The following RAPGEF2 variants were observed in gnomAD, a reference collection of about 807,000 sequenced individuals.
RAPGEF2 encodes the protein PDZ domain containing guanine nucleotide exchange factor (GEF) 1.
RAPGEF2 carries 54 observed loss-of-function variants against 186.7 expected under a neutral mutation model. The observed-to-expected ratio is 0.29, with a 90% CI of 0.23 to 0.36. The LOEUF (loss-of-function observed/expected upper bound fraction) is 0.36. Among genes scored for constraint, RAPGEF2 ranks in the 10% least tolerant of loss-of-function variants. RAPGEF2 has a pLI of 1.00. For synonymous variants in RAPGEF2, 712 were observed against 705.9 expected (o/e 1.01, Z -0.14); for missense variants, 1,532 against 2,045.0 (o/e 0.75, Z 4.84).
chr4:159,235,896 T>C (rs1753202780), intron 4 of RAPGEF2, among the ~76,000 whole-genome samples: 1 of 152,202 alleles, frequency 6.6e-6, no homozygotes, highest in African/African-American at 2.4e-5. Context: ...CCTTATAGCT[T>C]CTGGTTTGTG....
chr4:159,311,711 G>A (rs1399596762), intron 8 of RAPGEF2, among the ~76,000 whole-genome samples: 1 of 152,140 alleles, frequency 6.6e-6, no homozygotes, highest in East Asian at 1.9e-4. Context: ...CTCTTCTTAA[G>A]TTTAGTACTC....
chr4:159,339,236 G>A lies in RAPGEF2; in HGVS notation c.2416G>A (p.Ala806Thr), dbSNP rs1231236520. 1 of 1,613,952 alleles carries A rather than the reference G, an allele frequency of 6.2e-7. No individual in the cohort carries two copies. Among genetic ancestry groups the A allele is most frequent in the African/African-American group, 1.3e-5 (1 of 74,888 alleles). Residue 806 changes from alanine to threonine, a missense_variant, in exon 19 of 30, where the codon GCC (alanine) becomes ACC (threonine). Physicochemically the swap from Ala to Thr is moderately conservative, Grantham distance 58. Around this residue, in one of 4 missense-constraint regions of RAPGEF2, gnomAD observed 810 missense variants for 1,210.5 expected, o/e 0.67. Transcript: ENST00000691494. The part of the protein sequence containing the change: ...IQAIREFAVT[A>T]TPDQYSLCEV... ...GGCTATCAGGGAGTTTGCTGTTACTGCCACCCCGGATCAATATTCACTATG... is the reference window on the plus strand; with the variant it reads ...GGCTATCAGGGAGTTTGCTGTTACTACCACCCCGGATCAATATTCACTATG...
chr4:159,240,547 C>G (rs1381324339), intron 5 of RAPGEF2, among the ~76,000 whole-genome samples: 1 of 151,882 alleles, frequency 6.6e-6, no homozygotes, highest in African/African-American at 2.4e-5. Context: ...GTTGGCCAGG[C>G]TGGTCTTGAA....
intron 7 of RAPGEF2, among the ~76,000 whole-genome samples, chr4:159,276,310 A>C (rs779077001): frequency 6.6e-6 from 1 of 152,194 alleles, no homozygotes; most frequent in Non-Finnish European, 1.5e-5. Context: ...TTTTCTTAAA[A>C]GTATACTTTT....
At chr4:159,334,028 G>A (rs772147932) in intron 17 of RAPGEF2, among the ~76,000 whole-genome samples, 1 of 152,114 alleles carries the variant, frequency 6.6e-6, no homozygotes, top group Non-Finnish European at 1.5e-5. Context: ...AGTAATGATT[G>A]GTGGTTTTGT....
intron 1 of RAPGEF2, among the ~76,000 whole-genome samples, chr4:159,117,362 G>A (rs186576348): frequency 6.6e-6 from 1 of 152,264 alleles, no homozygotes; most frequent in African/African-American, 2.4e-5. Flanking sequence ...AGTGTGCTTA[G>A]AGCCCCAAAA....
Position 159,343,350 on chromosome 4 carries a change from A to G in RAPGEF2, c.3200A>G (p.His1067Arg), listed in dbSNP as rs1194344147. ...KLRMIAKEIR[H>R]VGRMASVNMD... The stretch of plus-strand genomic sequence containing the variant: ...AGGATGATTGCAAAAGAAATTCGTC[A>G]CGTTGGCCGAATGGCTTCAGTGAAC... The change falls in exon 22 of 30, where the codon CAC (histidine) becomes CGC (arginine). Residue 1067 changes from histidine to arginine, a missense_variant. By Grantham distance (29) the His-to-Arg change is conservative. This residue lies in a region of RAPGEF2 where 117 missense variants were observed against 180.8 expected (regional missense o/e 0.65). Transcript: ENST00000691494. 1.2e-6 allele frequency: 2 copies of G among 1,614,112 alleles called. No homozygotes were observed. The highest frequency in any genetic ancestry group is 1.7e-5 in the Admixed American group (1 of 60,024).
intron 17 of RAPGEF2, among the ~76,000 whole-genome samples, chr4:159,335,233 A>C (rs1554039406): frequency 6.6e-6 from 1 of 152,202 alleles, no homozygotes; most frequent in South Asian, 2.1e-4. Flanking sequence ...AAGATGGGGC[A>C]TGAGCTCCCA....
chr4:159,139,426 C>T (rs899664633), intron 1 of RAPGEF2, among the ~76,000 whole-genome samples: 1 of 152,058 alleles, frequency 6.6e-6, no homozygotes, highest in Non-Finnish European at 1.5e-5. Context: ...ATAATTAAGG[C>T]TTTGAGAAGG....
chr4:159,193,116 A>G (rs1018557495), intron 2 of RAPGEF2, 84 bp from the exon 3 acceptor site: 38 of 629,090 alleles, frequency 6.0e-5, no homozygotes, highest in Middle Eastern at 6.1e-4. Context: ...AATTTTCTAG[A>G]CTGTATGTGT....
At chr4:159,125,426 G>C (rs116407841) in intron 1 of RAPGEF2, among the ~76,000 whole-genome samples, 3,656 of 151,976 alleles carry the variant, frequency 0.024, 140 homozygotes, top group African/African-American at 0.083. Flanking sequence ...GAGTTTTTTT[G>C]AGTAGCTGCT....
At chr4:159,267,080 T>C (rs929901703) in intron 7 of RAPGEF2, 21 of 966,922 alleles carry the variant, frequency 2.2e-5, no homozygotes, top group Non-Finnish European at 2.8e-5. Flanking sequence ...TTTCAGTGTG[T>C]ATAGGGAGAG....
At position 159,273,637 on chromosome 4, in the gene RAPGEF2, T is replaced by TCTTC. The variant is rs1261089863; in HGVS notation, c.543+29849_543+29850insCCTT. On this transcript the variant is annotated intron_variant, in intron 7 of 29. Coordinates refer to ENST00000691494, the MANE Select transcript of RAPGEF2 (RefSeq NM_001394067.2). The stretch of plus-strand genomic sequence containing the variant: ...AAGATCAGTAATCAGTTTCTTTCTT[T>TCTTC]CTTTCTTTCTTTCTTTCTTTCTTTC... Among the ~76,000 whole-genome samples, 49 of 66,948 alleles carry TCTTC rather than the reference T, an allele frequency of 7.3e-4. 1 individual carries two copies. The highest frequency in any genetic ancestry group is 2.8e-3 in the African/African-American group (48 of 17,302). The allele number at this position is 66,948 out of a possible 152,430, so 43.9% of individuals were successfully genotyped here.
chr4:159,146,319 A>G (rs1742954665), intron 1 of RAPGEF2, among the ~76,000 whole-genome samples: 1 of 151,908 alleles, frequency 6.6e-6, no homozygotes, highest in Admixed American at 6.6e-5. Context: ...AAAAAATCAG[A>G]AGTTTTAACT....
Position 159,142,526 on chromosome 4 carries a change from T to A in RAPGEF2, c.69+38295T>A, listed in dbSNP as rs571804518. On this transcript the variant is annotated intron_variant, in intron 1 of 29. Transcript: ENST00000691494. ...GAATACTTCATGGTTTTTTTTTTTT[T>A]ATATGAAATTTTTCAAAAATTGGGT... 2.6e-4 allele frequency among the ~76,000 whole-genome samples: 39 copies of A among 151,632 alleles called. No individual in the cohort carries two copies. The East Asian group carries it at 6.4e-3, about 25-fold the overall frequency.
chr4:159,269,236 C>T (rs1757804799), intron 7 of RAPGEF2, among the ~76,000 whole-genome samples: 1 of 152,110 alleles, frequency 6.6e-6, no homozygotes, highest in Non-Finnish European at 1.5e-5. Flanking sequence ...AACAAAATTA[C>T]TAACTAAATC....
intron 1 of RAPGEF2, among the ~76,000 whole-genome samples, chr4:159,157,873 C>G (rs1349195530): frequency 6.6e-6 from 1 of 152,044 alleles, no homozygotes; most frequent in African/African-American, 2.4e-5. Flanking sequence ...CACTCATTTT[C>G]CTTTCTTCCT....
At chr4:159,186,894 C>T (rs972892975) in intron 2 of RAPGEF2, among the ~76,000 whole-genome samples, 182 bp downstream of exon 2, 1 of 152,072 alleles carries the variant, frequency 6.6e-6, no homozygotes, top group Admixed American at 6.6e-5. Flanking sequence ...GGATTATTAG[C>T]ATGTCCATCA....
chr4:159,240,910 AT>A, intron 5 of RAPGEF2: 2 of 329,772 alleles, frequency 6.1e-6, no homozygotes, highest in Non-Finnish European at 1.1e-5. Flanking sequence ...TCACTAATAA[AT>A]CAGTACAAAG....
Sources: allele counts gnomAD v4.1 joint callset (sites outside exome capture counted in the v4.1 genomes callset), GRCh38; gene constraint gnomAD v4.1.1; regional missense constraint gnomAD v4.1.1; transcripts MANE v1.5; gene names NCBI Gene and HGNC (gene_info 2026-07-23, HGNC 2026-07-21).